The following RP1 variants were observed in gnomAD, a reference collection of about 807,000 sequenced individuals.
RP1 encodes oxygen-regulated protein 1.
A neutral mutation model predicts 14.8 loss-of-function variants in RP1; 16 were observed. That is an observed-to-expected ratio of 1.08 (90% CI 0.73 to 1.65). The LOEUF is 1.65. Ranked by LOEUF, RP1 falls within the 40% of genes most tolerant of loss-of-function variation. RP1 has a pLI of 0.00. For synonymous variants in RP1, 876 were observed against 883.6 expected, an observed-to-expected ratio of 0.99 and a Z score of 0.15; for missense variants, 2,631 against 2,535.0, an observed-to-expected ratio of 1.04 and a Z score of -0.81.
At chr8:54,640,558 AG>A (rs1261605956) in intron 3 of RP1, among the ~76,000 whole-genome samples, 1 of 152,182 alleles carries the variant, frequency 6.6e-6, no homozygotes, top group Non-Finnish European at 1.5e-5. Context: ...ATGCCAGAAA[AG>A]TAGCCTTGGG....
chr8:54,664,614 G>A (rs1181229091), intron 7 of RP1, among the ~76,000 whole-genome samples: 4 of 151,984 alleles, frequency 2.6e-5, no homozygotes, highest in African/African-American at 7.2e-5. Flanking sequence ...CATTGCTTTC[G>A]ATGTACATTT....
intron 15 of RP1, among the ~76,000 whole-genome samples, chr8:54,708,028 C>T (rs1177893610): frequency 6.6e-6 from 1 of 152,106 alleles, no homozygotes. Context: ...CAGTTACCCC[C>T]TAGGACAGAG....
intron 6 of RP1, among the ~76,000 whole-genome samples, chr8:54,660,803 G>C (rs984549659): frequency 1.3e-5 from 2 of 151,724 alleles, no homozygotes; most frequent in African/African-American, 4.8e-5. Context: ...GTAGAACCCT[G>C]GGTAAATATG....
chr8:54,773,375 G>T (rs1809954803), downstream of RP1, among the ~76,000 whole-genome samples: 1 of 152,066 alleles, frequency 6.6e-6, no homozygotes, highest in Non-Finnish European at 1.5e-5. Context: ...GGTGGCTCAT[G>T]CCTGTAATCC....
chr8:54,750,144 G>A (rs1192256705), intron 19 of RP1, among the ~76,000 whole-genome samples: 1 of 152,074 alleles, frequency 6.6e-6, no homozygotes, highest in Non-Finnish European at 1.5e-5. Flanking sequence ...TTCTCTAGGA[G>A]GATGTTAAAG....
chr8:54,663,922 T>C (rs1490473562), intron 7 of RP1: 8 of 1,340,978 alleles, frequency 6.0e-6, no homozygotes, highest in African/African-American at 1.5e-5. Flanking sequence ...TTTACTGTTG[T>C]AACTATTCTA....
At chr8:54,869,737 A>C in intron 28 of RP1, 189 of 373,992 alleles carry the variant, frequency 5.1e-4, no homozygotes, top group Middle Eastern at 7.0e-4. Context: ...TGATCTCTCT[A>C]AAGGCCTCTT....
intron 3 of RP1, among the ~76,000 whole-genome samples, chr8:54,648,067 G>A (rs116453042): frequency 0.027 from 4,122 of 152,078 alleles, 171 homozygotes; most frequent in African/African-American, 0.093. Context: ...TTCCCCCTTC[G>A]CGTGTGCTCT....
intron 15 of RP1, among the ~76,000 whole-genome samples, chr8:54,716,979 G>A (rs1366982551): frequency 1.2e-4 from 19 of 152,232 alleles, no homozygotes; most frequent in Admixed American, 1.2e-3. Flanking sequence ...AACTCCAAGT[G>A]GAGTTGTCTC....
intron 16 of RP1, among the ~76,000 whole-genome samples, chr8:54,725,040 A>G (rs529895727): frequency 1.1e-4 from 17 of 152,318 alleles, no homozygotes; most frequent in Admixed American, 1.0e-3. Context: ...ATCAGTATCT[A>G]TCAGAGGTCA....
chr8:54,661,938 C>A (rs1327200091), intron 6 of RP1, among the ~76,000 whole-genome samples: 1 of 151,798 alleles, frequency 6.6e-6, no homozygotes, highest in African/African-American at 2.4e-5. Flanking sequence ...TTTTTCAGTT[C>A]TAAAATTTCT....
chr8:54,576,873 C>G (rs1207184170), intron 1 of RP1, among the ~76,000 whole-genome samples: 1 of 151,984 alleles, frequency 6.6e-6, no homozygotes, highest in African/African-American at 2.4e-5. Context: ...TTTCTGTTGC[C>G]CCAGGTTAAA....
rs755438177 is a variant in RP1, at chr8:54,626,850, G to C, written c.2968G>C (p.Gly990Arg). ...GLTGDNLCKEGDKSFIANDTG... is the reference protein window; with the variant it reads ...GLTGDNLCKERDKSFIANDTG... ...GACAGGAGATAATCTATGTAAAGAG[G>C]GAGATAAGTCTTTTATTGCCAATGA... The change falls in exon 4 of 4, where the codon GGA (glycine) becomes CGA (arginine). Residue 990 changes from glycine (G) to arginine (R), a missense_variant. Physicochemically the swap from Gly to Arg is moderately radical, Grantham distance 125. Coordinates refer to ENST00000220676, the MANE Select transcript of RP1 (RefSeq NM_006269.2). 3 of 1,613,648 alleles carry C rather than the reference G, an allele frequency of 1.9e-6. No homozygotes were observed. Among genetic ancestry groups the C allele is most frequent in the Non-Finnish European group, 1.7e-6 (2 of 1,179,962 alleles).
At chr8:54,738,268 TACAAAA>T (rs763933069) in intron 18 of RP1, among the ~76,000 whole-genome samples, 14 of 152,210 alleles carry the variant, frequency 9.2e-5, no homozygotes, top group Non-Finnish European at 1.8e-4. Flanking sequence ...TTACTCAGTT[TACAAAA>T]ACATATTTTA....
rs369441612 is a variant in RP1, at chr8:54,713,079, T to G, written c.2211+6424T>G. 2.8e-3 allele frequency among the ~76,000 whole-genome samples: 400 copies of G among 143,018 alleles called. 16 individuals are homozygous for G. The East Asian group carries it at 0.062, about 22-fold the overall frequency. The allele number at this position is 143,018 out of a possible 152,430, so 93.8% of individuals were successfully genotyped here. A position where few individuals can be genotyped will look rare whatever the true frequency, so the allele number is the denominator to read the frequency against. On this transcript the variant is annotated intron_variant, in intron 15 of 22. Transcript: ENST00000636932. Reference sequence around the variant, plus strand: ...GTCCTGGTAGCTACTCAAGAAATGCTTTTTTTTTTTTGTACTAAATTGAAT... The same window carrying G: ...GTCCTGGTAGCTACTCAAGAAATGCGTTTTTTTTTTTGTACTAAATTGAAT...
intron 25 of RP1, among the ~76,000 whole-genome samples, chr8:54,840,536 T>G (rs1229842049): frequency 6.6e-6 from 1 of 151,388 alleles, no homozygotes; most frequent in Non-Finnish European, 1.5e-5. Context: ...TTAAAGTCTG[T>G]TATACAACTC....
chr8:54,837,738 G>A lies in RP1; in HGVS notation c.3835+69G>A, dbSNP rs1224347370. ...ATAATTGAGATGATTTAGAATAGGG[G>A]CTGGCACCTTTTTCTGTAAAGGACC... is the stretch of plus-strand genomic sequence containing the variant. On this transcript the variant is annotated intron_variant, in intron 25 of 28. Coordinates refer to the RP1 transcript ENST00000637698. 7 of 895,140 alleles carry A rather than the reference G, an allele frequency of 7.8e-6. No homozygotes were observed. The South Asian group carries it at 4.1e-4, about 52-fold the overall frequency. 55.4% of individuals were successfully genotyped at this position (895,140 alleles called of 1,614,324 possible).
intron 24 of RP1, among the ~76,000 whole-genome samples, chr8:54,804,210 A>T (rs182872005): frequency 1.2e-4 from 19 of 152,148 alleles, no homozygotes; most frequent in Non-Finnish European, 2.6e-4. Context: ...TTTGTTTTGC[A>T]ACTCCGATTT....
At chr8:54,663,157 A>G (rs1173799409) in intron 6 of RP1, among the ~76,000 whole-genome samples, 1 of 152,102 alleles carries the variant, frequency 6.6e-6, no homozygotes, top group Non-Finnish European at 1.5e-5. Flanking sequence ...CATGCTGTGT[A>G]TGCTCTCTGC....
Sources: gnomAD v4.1 joint callset for allele counts (sites outside exome capture counted in the v4.1 genomes callset) on GRCh38, gnomAD v4.1.1 for gene constraint, MANE v1.5 for transcripts, NCBI Gene and HGNC (gene_info 2026-07-23, HGNC 2026-07-21) for gene names.